SDF4: variants seen among roughly 807,000 people sequenced by gnomAD.
The protein encoded by SDF4 is 45 kDa calcium-binding protein.
SDF4 carries 22 observed loss-of-function variants against 34.2 expected under a neutral mutation model. That is an observed-to-expected ratio of 0.64 (90% CI 0.46 to 0.92). The LOEUF (loss-of-function observed/expected upper bound fraction) is 0.92. SDF4 is among the 40% of genes least tolerant of loss of function. The pLI, the probability that SDF4 is intolerant of heterozygous loss-of-function variation, is 0.00. For missense variants in SDF4, 447 were observed against 499.9 expected (o/e 0.89, Z 1.01); for synonymous variants, 236 against 203.1 (o/e 1.16, Z -1.38).
At chr1:1,225,899 TCAGG>T (rs1638288627) in intron 2 of SDF4, among the ~76,000 whole-genome samples, 1 of 152,124 alleles carries the variant, frequency 6.6e-6, no homozygotes, top group Non-Finnish European at 1.5e-5. Flanking sequence ...TCATCCAAAC[TCAGG>T]TGCCTGAAGA....
In SDF4 at chr1:1,228,693, G is replaced by A. The variant is rs140789920; in HGVS notation, c.80C>T (p.Ala27Val). The A allele has an allele frequency of 2.2e-4, 362 of 1,612,944 alleles. 3 individuals are homozygous for A. The Middle Eastern group carries it at 2.8e-3, about 12-fold the overall frequency. Reference sequence around the variant, plus strand: ...CGAGTGGTTGGCAGGCCGTGCAGACGCGTCCATCAGAAGGACTGCCCCCAG... The same window carrying A: ...CGAGTGGTTGGCAGGCCGTGCAGACACGTCCATCAGAAGGACTGCCCCCAG... ...WLLGAVLLMD[A>V]SARPANHSST... Residue 27 changes from alanine (A) to valine (V), a missense_variant, in exon 2 of 7, where the codon GCG becomes GTG. Ala to Val is a moderately conservative substitution (Grantham distance 64). Coordinates refer to ENST00000360001, the MANE Select transcript of SDF4 (RefSeq NM_016176.6).
In SDF4 at chr1:1,218,932, G is replaced by A. The variant is rs376825221; in HGVS notation, c.557-5C>T. On this transcript the variant is annotated splice_polypyrimidine_tract_variant and splice_region_variant and intron_variant, in intron 4 of 6. Coordinates refer to ENST00000360001, the MANE Select transcript of SDF4 (RefSeq NM_016176.6). The surrounding 1 kb of genome is among the most constrained non-coding windows in gnomAD (Gnocchi z 7.9). The stretch of plus-strand genomic sequence containing the variant: ...GGTTCTCCAGGACTTCCTGTGCTGA[G>A]AGGGGCGCAGCCTGTGGGTATCGAG... 1 of 1,609,630 alleles carries A rather than the reference G, an allele frequency of 6.2e-7. No homozygotes were observed. Among genetic ancestry groups the A allele is most frequent in the Non-Finnish European group, 8.5e-7 (1 of 1,178,186 alleles).
Position 1,223,274 on chromosome 1 carries a change from G to A in SDF4, c.526C>T (p.Leu176Phe), listed in dbSNP as rs1253268321. 1.2e-6 allele frequency: 2 copies of A among 1,614,056 alleles called. No individual in the cohort carries two copies. The highest frequency in any genetic ancestry group is 1.7e-6 in the Non-Finnish European group (2 of 1,179,950). The change falls in exon 4 of 7, where the codon CTC becomes TTC. Residue 176 changes from leucine to phenylalanine, a missense_variant. Transcript: ENST00000360001. ...TCATCCACTTTGAGTTCCTCGTTGA[G>A]CCTGATGGCGTCGGCAACCTCCTTC... ...SEKEVADAIR[L>F]NEELKVDEET...
At chr1:1,225,931 G>A (rs1309630928) in intron 2 of SDF4, among the ~76,000 whole-genome samples, 1 of 152,262 alleles carries the variant, frequency 6.6e-6, no homozygotes, top group Non-Finnish European at 1.5e-5. Flanking sequence ...GCAGGGCGGT[G>A]CACGTACATG....
intron 2 of SDF4, among the ~76,000 whole-genome samples, chr1:1,226,862 C>A (rs113951925): frequency 6.6e-6 from 1 of 152,234 alleles, no homozygotes; most frequent in African/African-American, 2.4e-5. Flanking sequence ...TGAGCAGGGA[C>A]GGGGACCCTT....
In SDF4 at chr1:1,218,852, T is replaced by A. The variant is rs1191040186; in HGVS notation, c.632A>T (p.Glu211Val). Residue 211 changes from glutamate to valine, a missense_variant, in exon 5 of 7, where the codon GAG (glutamate) becomes GTG (valine). Glu to Val is a moderately radical substitution (Grantham distance 121). Transcript: ENST00000360001. This position sits in a 1 kb window ranked among gnomAD's most constrained non-coding sequence, Gnocchi z 7.9. ...GTGGAGGAACGACAGGAACTCCTCC[T>A]CCGTCAGCAGCAGGTCTGCAGGGGG... is the stretch of plus-strand genomic sequence containing the variant. ...DSPPADLLLTEEEFLSFLHPE... is the reference protein window; with the variant it reads ...DSPPADLLLTVEEFLSFLHPE... 7 of 1,598,856 alleles carry A rather than the reference T, an allele frequency of 4.4e-6. No individual in the cohort carries two copies. The South Asian group carries it at 7.8e-5, about 18-fold the overall frequency.
chr1:1,217,713 A>G lies in SDF4; in HGVS notation c.892-25T>C. On this transcript the variant is annotated intron_variant, in intron 6 of 6. Transcript: ENST00000360001. This position sits in a 1 kb window ranked among gnomAD's most constrained non-coding sequence, Gnocchi z 8.5. ...TCTGCGGGCGAGCGGGGCACAGGTC[A>G]GCGTCGCCTTTCCCCCTCCGAGCTC... 1 of 1,612,760 alleles carries G rather than the reference A, an allele frequency of 6.2e-7. No individual in the cohort carries two copies. Among genetic ancestry groups the G allele is most frequent in the Non-Finnish European group, 8.5e-7 (1 of 1,179,568 alleles).
intron 2 of SDF4, among the ~76,000 whole-genome samples, chr1:1,225,883 A>G (rs1638288279): frequency 6.6e-6 from 1 of 152,252 alleles, no homozygotes; most frequent in Non-Finnish European, 1.5e-5. Flanking sequence ...GTCGGCAAGG[A>G]GTCACTCATC....
intron 4 of SDF4, among the ~76,000 whole-genome samples, chr1:1,222,198 C>T (rs550007166): frequency 3.3e-5 from 5 of 152,312 alleles, no homozygotes; most frequent in African/African-American, 1.2e-4. Flanking sequence ...CAAACCAGAC[C>T]ACGGGCATGA....
intron 2 of SDF4, among the ~76,000 whole-genome samples, chr1:1,224,344 A>C (rs1638230140): frequency 1.3e-5 from 2 of 152,128 alleles, no homozygotes; most frequent in Admixed American, 6.5e-5. Context: ...TGGTGGCGCA[A>C]TCTTTGCTCA....
intron 4 of SDF4, chr1:1,219,871 T>A (rs913075172): frequency 1.0e-6 from 1 of 985,752 alleles, no homozygotes; most frequent in African/African-American, 1.7e-5. Context: ...AGCCTCTGCG[T>A]CGCGCTCACT....
chr1:1,227,561 C>T (rs893272878), intron 2 of SDF4, among the ~76,000 whole-genome samples: 1 of 152,336 alleles, frequency 6.6e-6, no homozygotes, highest in Admixed American at 6.5e-5. Flanking sequence ...TGTTCTCTCA[C>T]CTGCACCTCG....
chr1:1,229,450 G>A (rs951893962), intron 1 of SDF4, among the ~76,000 whole-genome samples: 2 of 152,342 alleles, frequency 1.3e-5, no homozygotes, highest in Non-Finnish European at 1.5e-5. Flanking sequence ...GGCTTCAAGC[G>A]ATCCTCTTGC....
At chr1:1,227,365 T>C (rs1638344795) in intron 2 of SDF4, 1 of 118,018 alleles carries the variant, frequency 8.5e-6, no homozygotes, top group South Asian at 2.5e-4. Context: ...GAAGGCGAGC[T>C]CGTGGCCAGG....
chr1:1,220,355 C>T, intron 4 of SDF4: 3 of 1,114,120 alleles, frequency 2.7e-6, no homozygotes, highest in Non-Finnish European at 2.2e-6. Flanking sequence ...TCACCGCGGT[C>T]CCCAGAATCA....
chr1:1,218,747 G>T lies in SDF4; in HGVS notation c.715+22C>A. 6.2e-7 allele frequency: 1 copy of T among 1,612,282 alleles called. No individual in the cohort carries two copies. The highest frequency in any genetic ancestry group is 1.1e-5 in the South Asian group (1 of 91,054). On this transcript the variant is annotated intron_variant, in intron 5 of 6. Transcript: ENST00000360001. This position sits in a 1 kb window ranked among gnomAD's most constrained non-coding sequence, Gnocchi z 7.9. ...GTCGGTCCTGGGTCCTGGCGTGCCG[G>T]CCAGGCTGGACCCAGCCTCACCCAG...
At chr1:1,231,415 T>G (rs1357991263) in intron 1 of SDF4, among the ~76,000 whole-genome samples, 1 of 152,228 alleles carries the variant, frequency 6.6e-6, no homozygotes, top group South Asian at 2.1e-4. Context: ...CACGGTTAGA[T>G]TCTAAAAGCT....
At chr1:1,226,063 G>C (rs1271347399) in intron 2 of SDF4, among the ~76,000 whole-genome samples, 2 of 152,264 alleles carry the variant, frequency 1.3e-5, no homozygotes, top group Non-Finnish European at 2.9e-5. Context: ...ATGTTATCAA[G>C]TTCTGGCTCC....
rs777466236 is a variant in SDF4 at position 1,218,752 on chromosome 1, GC to G, written c.715+16del. 6.2e-7 allele frequency: 1 copy of G among 1,612,484 alleles called. No homozygotes were observed. Among genetic ancestry groups the G allele is most frequent in the Admixed American group, 1.7e-5 (1 of 59,998 alleles). ...TCCTGGGTCCTGGCGTGCCGGCCAG[GC>G]TGGACCCAGCCTCACCCAGGTCCCG... On this transcript the variant is annotated intron_variant, in intron 5 of 6. Transcript: ENST00000360001. This position sits in a 1 kb window ranked among gnomAD's most constrained non-coding sequence, Gnocchi z 7.9.
Sources: gnomAD v4.1 joint callset for allele counts (sites outside exome capture counted in the v4.1 genomes callset) on GRCh38, gnomAD v4.1.1 for gene constraint, Gnocchi (gnomAD v3.1) non-coding constraint, MANE v1.5 for transcripts, NCBI Gene and HGNC (gene_info 2026-07-23, HGNC 2026-07-21) for gene names.